Variants in DNAH5 observed in about 807,000 individuals in gnomAD.
DNAH5 encodes dynein axonemal heavy chain 5, also known as axonemal beta dynein heavy chain 5.
A neutral mutation model predicts 518.2 loss-of-function variants in DNAH5; 372 were observed. The observed-to-expected ratio is 0.72, with a 90% CI of 0.66 to 0.78. DNAH5 has a LOEUF of 0.78. Among genes scored for constraint, DNAH5 ranks in the 30% least tolerant of loss-of-function variants. The pLI, the probability that DNAH5 is intolerant of heterozygous loss-of-function variation, is 0.00. For synonymous variants in DNAH5, 2,039 were observed against 2,025.9 expected (o/e 1.01, Z -0.17); for missense variants, 5,523 against 5,687.0 (o/e 0.97, Z 0.93).
chr5:13,920,626 A>G lies in DNAH5; in HGVS notation c.661-9T>C. 1 of 1,613,962 alleles carries G rather than the reference A, an allele frequency of 6.2e-7. No homozygotes were observed. The highest frequency in any genetic ancestry group is 1.3e-5 in the African/African-American group (1 of 75,046). ...CACTTTCGAAGGTTCACCTAATTAG[A>G]ATGAAAATTAAATAATCAGATGATG... On this transcript the variant is annotated splice_polypyrimidine_tract_variant and intron_variant, in intron 5 of 78. Transcript: ENST00000265104.
At chr5:13,758,295 G>C (rs994744345) in intron 61 of DNAH5, among the ~76,000 whole-genome samples, 9 of 152,090 alleles carry the variant, frequency 5.9e-5, no homozygotes, top group African/African-American at 2.2e-4. Flanking sequence ...TTGAGCTCAG[G>C]AGTTCGAGAC....
At chr5:13,969,214 CTTAA>C (rs1303581533) in intron 1 of DNAH5, among the ~76,000 whole-genome samples, 1 of 152,084 alleles carries the variant, frequency 6.6e-6, no homozygotes, top group Admixed American at 6.5e-5. Flanking sequence ...CTCTTCTCTT[CTTAA>C]TTAATCTCAC....
In DNAH5 at chr5:13,770,769, C is replaced by G; in HGVS notation, c.9585G>C (p.Glu3195Asp). Residue 3195 changes from glutamate (E) to aspartate (D), a missense_variant, in exon 56 of 79, where the codon GAG becomes GAC. Glu to Asp is a conservative substitution (Grantham distance 45). This residue lies in a region of DNAH5 where 5,121 missense variants were observed against 5,223.3 expected (regional missense o/e 0.98). Coordinates refer to ENST00000265104, the MANE Select transcript of DNAH5 (RefSeq NM_001369.3). ...YKFIYGEKHV[E>D]VRTLANRMNT... ...CTTACCTGTTGGCCAGGGTCCGCAC[C>G]TCCACATGCTTTTCTCCATATATGA... 1 of 1,613,994 alleles carries G rather than the reference C, an allele frequency of 6.2e-7. No homozygotes were observed. The highest frequency in any genetic ancestry group is 8.5e-7 in the Non-Finnish European group (1 of 1,179,946).
At position 13,871,589 on chromosome 5, in the gene DNAH5, A is replaced by C. The variant is rs756343037; in HGVS notation, c.3573T>G (p.Cys1191Trp). The C allele has an allele frequency of 1.2e-6, 2 of 1,613,636 alleles. No individual in the cohort carries two copies. The highest frequency in any genetic ancestry group is 2.7e-5 in the African/African-American group (2 of 74,910). ...CTGTGTACAGAGCAATGGAACCCAC[A>C]CAGACATATTCAGGCTCAGCATTAA... ...QEINAEPEYV[C>W]VGSIALYTAD... Residue 1191 changes from cysteine (C) to tryptophan (W), a missense_variant, in exon 23 of 79, where the codon TGT becomes TGG. This residue lies in a region of DNAH5 where 5,121 missense variants were observed against 5,223.3 expected (regional missense o/e 0.98). Transcript: ENST00000265104.
At chr5:13,737,665 C>T (rs894313385) in intron 65 of DNAH5, among the ~76,000 whole-genome samples, 170 bp from the exon 66 acceptor site, 1 of 152,154 alleles carries the variant, frequency 6.6e-6, no homozygotes, top group African/African-American at 2.4e-5. Flanking sequence ...GGGCTCACAC[C>T]TGTAATCCCA....
At chr5:13,913,136 A>G (rs1204040702) in intron 11 of DNAH5, among the ~76,000 whole-genome samples, 1 of 152,080 alleles carries the variant, frequency 6.6e-6, no homozygotes, top group Admixed American at 6.6e-5. Context: ...GACTATGTCC[A>G]TATTAAGAAT....
In DNAH5 at chr5:13,731,953, T is replaced by A. The variant is rs116337375; in HGVS notation, c.11762-2393A>T. Reference sequence around the variant, plus strand: ...TTTGAGACCAGCTGGGGCAACATAATGAGACTTCATCTCTACAAAAAATTT... The same window carrying A: ...TTTGAGACCAGCTGGGGCAACATAAAGAGACTTCATCTCTACAAAAAATTT... On this transcript the variant is annotated intron_variant, in intron 68 of 78. Transcript: ENST00000265104. Among the ~76,000 whole-genome samples the A allele has an allele frequency of 6.6e-3, 1,005 of 152,188 alleles. 15 individuals carry two copies. The highest frequency in any genetic ancestry group is 0.023 in the African/African-American group (937 of 41,500).
rs1247728517 is a variant in DNAH5, at chr5:13,701,279, C to T, written c.13491+5G>A. On this transcript the variant is annotated splice_donor_5th_base_variant and intron_variant, in intron 77 of 78. Transcript: ENST00000265104. Reference sequence around the variant, plus strand: ...AACGCAACGGGTGCAAATCAGAGCTCTTACCTGTCGCATTGCAGTTAAAAA... The same window carrying T: ...AACGCAACGGGTGCAAATCAGAGCTTTTACCTGTCGCATTGCAGTTAAAAA... 1 of 1,613,822 alleles carries T rather than the reference C, an allele frequency of 6.2e-7. No homozygotes were observed. Among genetic ancestry groups the T allele is most frequent in the Non-Finnish European group, 8.5e-7 (1 of 1,179,972 alleles).
chr5:13,853,140 G>T (rs1036443001), intron 30 of DNAH5, among the ~76,000 whole-genome samples: 1 of 152,196 alleles, frequency 6.6e-6, no homozygotes, highest in Non-Finnish European at 1.5e-5. Context: ...CATCTGGCAG[G>T]TGCCCCTCTC....
At chr5:13,826,748 T>C (rs544585565) in intron 38 of DNAH5, among the ~76,000 whole-genome samples, 125 of 152,296 alleles carry the variant, frequency 8.2e-4, no homozygotes, top group African/African-American at 2.8e-3. Flanking sequence ...TGGTGCCACA[T>C]AGAGTGGGGT....
intron 15 of DNAH5, 42 bp downstream of exon 15, chr5:13,900,164 A>C: frequency 2.6e-6 from 4 of 1,522,886 alleles, no homozygotes; most frequent in Non-Finnish European, 3.6e-6. Flanking sequence ...AATACATTCC[A>C]GAGCTAGCCA....
intron 32 of DNAH5, among the ~76,000 whole-genome samples, chr5:13,842,475 G>GAAAGAA (rs1200880702): frequency 3.5e-5 from 4 of 112,934 alleles, no homozygotes; most frequent in African/African-American, 1.5e-4. Flanking sequence ...AAGAAAGAAA[G>GAAAGAA]AAAGAAAGAG....
At chr5:13,990,540 G>A (rs184592189) in intron 1 of DNAH5, among the ~76,000 whole-genome samples, 4 of 148,386 alleles carry the variant, frequency 2.7e-5, no homozygotes, top group East Asian at 2.1e-4. Flanking sequence ...GCGACAGAGC[G>A]AGACTCCATC....
intron 1 of DNAH5, among the ~76,000 whole-genome samples, chr5:13,972,854 T>C (rs1376694237): frequency 6.6e-6 from 1 of 152,230 alleles, no homozygotes; most frequent in African/African-American, 2.4e-5. Context: ...TCCTGCCTCC[T>C]ATCTGCTATT....
chr5:13,811,944 A>C, intron 43 of DNAH5, 121 bp from the exon 44 acceptor site: 1 of 814,682 alleles, frequency 1.2e-6, no homozygotes, highest in Non-Finnish European at 2.0e-6. Context: ...ATTATACCAC[A>C]CACTATGTTC....
chr5:13,925,485 T>G (rs1418557700), intron 3 of DNAH5, among the ~76,000 whole-genome samples: 1 of 152,202 alleles, frequency 6.6e-6, no homozygotes, highest in African/African-American at 2.4e-5. Flanking sequence ...GAAAGAGGTT[T>G]GATTGGCCTT....
chr5:13,924,103 G>C (rs1458752128), intron 3 of DNAH5, among the ~76,000 whole-genome samples: 3 of 152,114 alleles, frequency 2.0e-5, no homozygotes, highest in South Asian at 2.1e-4. Flanking sequence ...CAGCCAATAG[G>C]TGGCAGAGCC....
chr5:13,769,517 T>C lies in DNAH5; in HGVS notation c.9704A>G (p.Asn3235Ser), dbSNP rs142633108. The change falls in exon 57 of 79, where the codon AAC becomes AGC. Residue 3235 changes from asparagine to serine, a missense_variant. By Grantham distance (46) the Asn-to-Ser change is conservative. This residue lies in a region of DNAH5 where 5,121 missense variants were observed against 5,223.3 expected (regional missense o/e 0.98). Coordinates refer to ENST00000265104, the MANE Select transcript of DNAH5 (RefSeq NM_001369.3). ...EAKEKELQVA[N>S]DKADMVLKEV... ...CCCACCCACCATGTCGGCTTTATCG[T>C]TGGCCACTTGTAGCTCCTTTTCTTT... is the stretch of plus-strand genomic sequence containing the variant. The C allele has an allele frequency of 2.5e-6, 4 of 1,614,072 alleles. No individual in the cohort carries two copies. Among genetic ancestry groups the C allele is most frequent in the East Asian group, 2.2e-5 (1 of 44,876 alleles).
intron 38 of DNAH5, among the ~76,000 whole-genome samples, chr5:13,825,818 AT>A (rs1455847483): frequency 6.6e-6 from 1 of 152,232 alleles, no homozygotes; most frequent in East Asian, 1.9e-4. Flanking sequence ...ACATTATTGA[AT>A]TGTACACTAA....
Sources: gnomAD v4.1 joint callset for allele counts (sites outside exome capture counted in the v4.1 genomes callset) on GRCh38, gnomAD v4.1.1 for gene constraint, gnomAD v4.1.1 regional missense constraint, MANE v1.5 for transcripts, NCBI Gene and HGNC (gene_info 2026-07-23, HGNC 2026-07-21) for gene names.